NRG3: variants seen among roughly 807,000 people sequenced by gnomAD.
NRG3 encodes the protein neuregulin 3, also known as pro-neuregulin-3, membrane-bound isoform.
NRG3 carries 31 observed loss-of-function variants against 66.9 expected under a neutral mutation model. The ratio of observed to expected loss-of-function variants is 0.46; its 90% CI spans 0.35 to 0.63. The LOEUF (loss-of-function observed/expected upper bound fraction) is 0.63, where lower values mean the gene tolerates loss of function less well. NRG3 is among the 20% of genes least tolerant of loss of function. The pLI, the probability that NRG3 is intolerant of heterozygous loss-of-function variation, is 0.00. For synonymous variants in NRG3, 393 were observed against 359.4 expected (o/e 1.09, Z -1.06); for missense variants, 910 against 878.9 (o/e 1.04, Z -0.45).
At chr10:82,697,888 C>A (rs1410460280) in intron 2 of NRG3, among the ~76,000 whole-genome samples, 3 of 151,962 alleles carry the variant, frequency 2.0e-5, no homozygotes, top group South Asian at 2.1e-4. Flanking sequence ...CTTTTTGGAT[C>A]AATGTGTGAT....
At chr10:81,983,923 C>A (rs1280164211) in intron 1 of NRG3, among the ~76,000 whole-genome samples, 2 of 152,092 alleles carry the variant, frequency 1.3e-5, no homozygotes, top group Admixed American at 1.3e-4. Flanking sequence ...GGAGATTATC[C>A]TGGATCATCC....
intron 1 of NRG3, among the ~76,000 whole-genome samples, chr10:81,939,862 T>C (rs1564675226): frequency 6.6e-6 from 1 of 151,950 alleles, no homozygotes; most frequent in Non-Finnish European, 1.5e-5. Context: ...ATGTATAAAG[T>C]CATGTTGTTG....
intron 3 of NRG3, among the ~76,000 whole-genome samples, chr10:82,851,770 A>G (rs1405960187): frequency 6.6e-6 from 1 of 152,136 alleles, no homozygotes; most frequent in African/African-American, 2.4e-5. Context: ...CATATGCTTG[A>G]TCTGTGCCAG....
chr10:82,087,210 TA>T (rs1564548756), intron 1 of NRG3, among the ~76,000 whole-genome samples: 310 of 151,788 alleles, frequency 2.0e-3, no homozygotes, highest in Non-Finnish European at 2.8e-3. Context: ...TTGACAATTG[TA>T]TTAAGACTTT....
intron 4 of NRG3, among the ~76,000 whole-genome samples, chr10:82,921,549 T>A (rs537327780): frequency 6.6e-6 from 1 of 152,168 alleles, no homozygotes; most frequent in Non-Finnish European, 1.5e-5. Context: ...TAAGTGAAAT[T>A]TCTCTACTAT....
chr10:82,129,229 A>T (rs181148362), intron 1 of NRG3, among the ~76,000 whole-genome samples: 1 of 150,034 alleles, frequency 6.7e-6, no homozygotes, highest in Admixed American at 6.7e-5. Context: ...CTAAATTTTT[A>T]ACATAATGTT....
intron 2 of NRG3, among the ~76,000 whole-genome samples, chr10:82,700,058 A>T (rs1334622496): frequency 6.6e-6 from 1 of 152,206 alleles, no homozygotes; most frequent in Admixed American, 6.6e-5. Flanking sequence ...AAGTACAATT[A>T]GGGATATGGT....
chr10:82,462,711 C>T (rs375380496), intron 2 of NRG3, among the ~76,000 whole-genome samples: 31 of 152,038 alleles, frequency 2.0e-4, no homozygotes, highest in African/African-American at 7.2e-4. Context: ...GATTAGGGGG[C>T]TATGTGGATA....
At chr10:82,580,431 T>G (rs1045814987) in intron 2 of NRG3, among the ~76,000 whole-genome samples, 19 of 151,986 alleles carry the variant, frequency 1.3e-4, no homozygotes, top group African/African-American at 4.6e-4. Context: ...TAGTTTCCAT[T>G]AGTGCTCACT....
intron 1 of NRG3, among the ~76,000 whole-genome samples, chr10:82,041,079 G>C (rs1259629031): frequency 2.0e-5 from 3 of 151,988 alleles, no homozygotes; most frequent in African/African-American, 7.2e-5. Context: ...TGCCATAGTG[G>C]GCCATAAGTA....
intron 1 of NRG3, among the ~76,000 whole-genome samples, chr10:82,122,621 AGT>A (rs2068164938): frequency 6.6e-6 from 1 of 152,106 alleles, no homozygotes; most frequent in African/African-American, 2.4e-5. Flanking sequence ...CAGTTATATT[AGT>A]GTTATTTCTA....
chr10:82,265,179 G>C (rs1414726757), intron 1 of NRG3, among the ~76,000 whole-genome samples: 2 of 152,144 alleles, frequency 1.3e-5, no homozygotes, highest in African/African-American at 4.8e-5. Flanking sequence ...TCACTTGAGG[G>C]CTCTAATTAT....
intron 2 of NRG3, among the ~76,000 whole-genome samples, chr10:82,548,041 T>TTG (rs1554959778): frequency 1.7e-4 from 16 of 96,042 alleles, no homozygotes; most frequent in African/African-American, 6.4e-4. Flanking sequence ...CATGCCACGT[T>TTG]TTTTTTTTTT....
chr10:81,923,233 T>C (rs778880686), intron 1 of NRG3, among the ~76,000 whole-genome samples: 2 of 150,016 alleles, frequency 1.3e-5, no homozygotes, highest in Non-Finnish European at 2.9e-5. Flanking sequence ...GGGCAACTGC[T>C]TTACTTACTC....
rs560732421 is a variant in NRG3 at position 82,033,036 on chromosome 10, G to A, written c.823+156873G>A. ...TCATTAATGTAGGAACCAATAAGAT[G>A]TTGTAAGTTCAAAGGAGAATTCAAA... On this transcript the variant is annotated intron_variant, in intron 1 of 8. Transcript: ENST00000372141. Among the ~76,000 whole-genome samples the A allele has an allele frequency of 3.3e-5, 5 of 152,208 alleles. No individual in the cohort carries two copies. In the South Asian group the frequency reaches 1.0e-3, roughly 32 times the overall value.
intron 2 of NRG3, among the ~76,000 whole-genome samples, chr10:82,622,699 C>G (rs2049121738): frequency 6.6e-6 from 1 of 152,178 alleles, no homozygotes; most frequent in African/African-American, 2.4e-5. Context: ...CAGGCAATCT[C>G]AAGGGTAAAC....
intron 3 of NRG3, among the ~76,000 whole-genome samples, chr10:82,806,111 T>C (rs988839234): frequency 6.6e-6 from 1 of 152,154 alleles, no homozygotes; most frequent in Admixed American, 6.5e-5. Flanking sequence ...TAGAGAAGCA[T>C]TTGTTTATAG....
At chr10:82,601,216 G>C (rs1015892680) in intron 2 of NRG3, among the ~76,000 whole-genome samples, 2 of 152,168 alleles carry the variant, frequency 1.3e-5, no homozygotes, top group Non-Finnish European at 2.9e-5. Context: ...TAGGTTGATT[G>C]TATGACTTTG....
At chr10:82,405,672 C>T (rs1006052767) in intron 2 of NRG3, among the ~76,000 whole-genome samples, 13 of 151,952 alleles carry the variant, frequency 8.6e-5, no homozygotes, top group African/African-American at 2.9e-4. Flanking sequence ...TTTGCCATGT[C>T]GGCCAGACTG....
Sources: allele counts gnomAD v4.1 joint callset (sites outside exome capture counted in the v4.1 genomes callset), GRCh38; gene constraint gnomAD v4.1.1; transcripts MANE v1.5; gene names NCBI Gene and HGNC (gene_info 2026-07-23, HGNC 2026-07-21).